RO60: variants seen among roughly 807,000 people sequenced by gnomAD.
The protein encoded by RO60 is Ro60, Y RNA binding protein.
Under a neutral mutation model 55.3 loss-of-function variants are expected in RO60, and 20 were observed. That is an observed-to-expected ratio of 0.36 (90% CI 0.25 to 0.53). The LOEUF (loss-of-function observed/expected upper bound fraction) is 0.53, where lower values mean the gene tolerates loss of function less well. RO60 is among the 20% of genes least tolerant of loss of function. RO60 has a pLI of 0.92. For missense variants in RO60, 558 were observed against 646.6 expected (o/e 0.86, Z 1.49); for synonymous variants, 213 against 213.6 (o/e 1.00, Z 0.02).
At chr1:193,077,624 C>T (rs192577942) in intron 5 of RO60, among the ~76,000 whole-genome samples, 35 of 152,242 alleles carry the variant, frequency 2.3e-4, no homozygotes, top group African/African-American at 7.9e-4. Flanking sequence ...TACCTGGTCC[C>T]ACCCTTGAAC....
At chr1:193,075,790 A>T (rs752189923) in intron 2 of RO60, 30 bp from the exon 3 acceptor site, 3 of 1,512,260 alleles carry the variant, frequency 2.0e-6, no homozygotes, top group East Asian at 4.5e-5. Context: ...GTAATCCTGC[A>T]TGCTTTTTCA....
rs1379098189 is a variant in RO60, at chr1:193,085,041, G to A, written c.*310G>A. 4 of 1,524,564 alleles carry A rather than the reference G, an allele frequency of 2.6e-6. No homozygotes were observed. The East Asian group carries it at 7.4e-5, about 28-fold the overall frequency. 94.4% of individuals were successfully genotyped at this position (1,524,564 alleles called of 1,614,324 possible). ...AATAATACGTGTGTACCTAAAAGAG[G>A]TAAGAGCAAAAAGTGTAATTCCACA... On this transcript the variant is annotated 3_prime_UTR_variant, in exon 9 of 9. Transcript: ENST00000400968.
At chr1:193,062,131 A>G (rs1672824803) in intron 1 of RO60, among the ~76,000 whole-genome samples, 1 of 152,158 alleles carries the variant, frequency 6.6e-6, no homozygotes, top group Non-Finnish European at 1.5e-5. Context: ...GCCCATCCAA[A>G]GAATTAACTA....
chr1:193,065,228 A>G (rs754512800), intron 1 of RO60, among the ~76,000 whole-genome samples: 16 of 152,234 alleles, frequency 1.1e-4, no homozygotes, highest in Non-Finnish European at 1.8e-4. Context: ...CATAAAAGCA[A>G]TACAAAAGAG....
downstream of RO60, chr1:193,091,452 G>T (rs1180662542): frequency 2.0e-6 from 1 of 489,090 alleles, no homozygotes; most frequent in Non-Finnish European, 3.6e-6. Context: ...GAAAGGAGGG[G>T]ACAGGGAGCT....
At chr1:193,077,548 C>T (rs745539520) in intron 5 of RO60, among the ~76,000 whole-genome samples, 49 of 152,110 alleles carry the variant, frequency 3.2e-4, no homozygotes, top group Admixed American at 1.9e-3. Flanking sequence ...CATCAGATCT[C>T]GTGAGAACTC....
intron 6 of RO60, 26 bp downstream of exon 6, chr1:193,081,506 C>A: frequency 7.1e-7 from 1 of 1,404,866 alleles, no homozygotes; most frequent in South Asian, 1.2e-5. Context: ...ACAATTTTGC[C>A]ATTCTAAAAA....
rs1297363027 is a variant in RO60, at chr1:193,085,602, C to A, written c.*871C>A. ...AAAATGTTTCAAGCGCTTAACTCCCCCTCATTCACAAAGTATAACAATTAA... is the reference window on the plus strand; with the variant it reads ...AAAATGTTTCAAGCGCTTAACTCCCACTCATTCACAAAGTATAACAATTAA... On this transcript the variant is annotated 3_prime_UTR_variant, in exon 9 of 9. Coordinates refer to ENST00000400968, the MANE Select transcript of RO60 (RefSeq NM_001173524.2). 2 of 984,372 alleles carry A rather than the reference C, an allele frequency of 2.0e-6. No individual in the cohort carries two copies. Among genetic ancestry groups the A allele is most frequent in the East Asian group, 2.3e-4 (2 of 8,830 alleles). The allele number at this position is 984,372 out of a possible 1,614,324, so 61.0% of individuals were successfully genotyped here. A position where few individuals can be genotyped will look rare whatever the true frequency, so the allele number is the denominator to read the frequency against.
Position 193,059,696 on chromosome 1 carries a change from C to T in RO60, c.-102C>T, listed in dbSNP as rs1410068029. On this transcript the variant is annotated 5_prime_UTR_variant, in exon 1 of 9. Coordinates refer to ENST00000400968, the MANE Select transcript of RO60 (RefSeq NM_001173524.2). The surrounding 1 kb of genome is among the most constrained non-coding windows in gnomAD (Gnocchi z 4.9). ...GTGGCTGTCGCTGCCCGTCAGGCTG[C>T]CTTCTTTTGTCGTTTCCCAGCGCTG... The T allele has an allele frequency of 3.7e-6, 5 of 1,358,702 alleles. No individual in the cohort carries two copies. Among genetic ancestry groups the T allele is most frequent in the South Asian group, 1.2e-5 (1 of 86,000 alleles). The allele number at this position is 1,358,702 out of a possible 1,614,324, so 84.2% of individuals were successfully genotyped here. A position where few individuals can be genotyped will look rare whatever the true frequency, so the allele number is the denominator to read the frequency against.
chr1:193,083,705 G>A (rs1674473301), intron 8 of RO60, among the ~76,000 whole-genome samples: 1 of 152,212 alleles, frequency 6.6e-6, no homozygotes, highest in African/African-American at 2.4e-5. Flanking sequence ...GAGGATTTCT[G>A]ATGCAGGCTT....
At chr1:193,076,668 T>G in intron 4 of RO60, 21 bp downstream of exon 4, 1 of 1,575,328 alleles carries the variant, frequency 6.3e-7, no homozygotes. Context: ...TCATTGTTCT[T>G]TATTAGCTAC....
At position 193,076,979 on chromosome 1, in the gene RO60, G is replaced by A. The variant is rs1290396624; in HGVS notation, c.1015G>A (p.Gly339Arg). ...ETYKTGHGLR[G>R]KLKWRPDEEI... ...TTACAAGACAGGTCATGGTCTCAGAGGGAAACTGAAGTGGCGCCCTGATGA... is the reference window on the plus strand; with the variant it reads ...TTACAAGACAGGTCATGGTCTCAGAAGGAAACTGAAGTGGCGCCCTGATGA... The change falls in exon 5 of 9, where the codon GGG becomes AGG. Residue 339 changes from glycine (G) to arginine (R), a missense_variant. Transcript: ENST00000400968. The A allele has an allele frequency of 1.9e-6, 3 of 1,613,212 alleles. No homozygotes were observed. The East Asian group carries it at 6.7e-5, about 36-fold the overall frequency.
chr1:193,082,500 G>GT, intron 7 of RO60, 62 bp from the exon 8 acceptor site: 1 of 1,554,556 alleles, frequency 6.4e-7, no homozygotes, highest in Non-Finnish European at 8.9e-7. Flanking sequence ...AAATGATACT[G>GT]TAAAAACTAG....
At position 193,059,655 on chromosome 1, in the gene RO60, GGCTGTT is replaced by G; in HGVS notation, c.-131_-126del. ...AACCTGGAATCCCCGGCGGCAGTGG[GGCTGTT>G]GCTGTTGCTGTGGCTGTCGCTGCCC... On this transcript the variant is annotated 5_prime_UTR_variant, in exon 1 of 9. Coordinates refer to ENST00000400968, the MANE Select transcript of RO60 (RefSeq NM_001173524.2). This position sits in a 1 kb window ranked among gnomAD's most constrained non-coding sequence, Gnocchi z 4.9. 2 of 1,382,996 alleles carry G rather than the reference GGCTGTT, an allele frequency of 1.4e-6. No individual in the cohort carries two copies. The highest frequency in any genetic ancestry group is 1.2e-5 in the South Asian group (1 of 86,928). 85.7% of individuals were successfully genotyped at this position (1,382,996 alleles called of 1,614,324 possible). A position where few individuals can be genotyped will look rare whatever the true frequency, so the allele number is the denominator to read the frequency against.
Position 193,085,561 on chromosome 1 carries a change from T to C in RO60, c.*830T>C, listed in dbSNP as rs967872346. ...AGTCTCACACTGTTTTTCATACTCT[T>C]AAGTGTAAATAATATAAAATGTTTC... On this transcript the variant is annotated 3_prime_UTR_variant, in exon 9 of 9. Coordinates refer to ENST00000400968, the MANE Select transcript of RO60 (RefSeq NM_001173524.2). 4.1e-6 allele frequency: 4 copies of C among 984,364 alleles called. No individual in the cohort carries two copies. Among genetic ancestry groups the C allele is most frequent in the Non-Finnish European group, 1.2e-6 (1 of 829,044 alleles). 61.0% of individuals were successfully genotyped at this position (984,364 alleles called of 1,614,324 possible). A position where few individuals can be genotyped will look rare whatever the true frequency, so the allele number is the denominator to read the frequency against.
chr1:193,061,733 C>T (rs896259815), intron 1 of RO60, among the ~76,000 whole-genome samples: 1 of 152,222 alleles, frequency 6.6e-6, no homozygotes, highest in African/African-American at 2.4e-5. Flanking sequence ...GCCTGTAATC[C>T]CAGCACTTTG....
chr1:193,083,129 C>T (rs978905281), intron 8 of RO60, among the ~76,000 whole-genome samples: 5 of 151,998 alleles, frequency 3.3e-5, no homozygotes, highest in Non-Finnish European at 5.9e-5. Flanking sequence ...AGCCAGTGTC[C>T]GTTATAGACT....
intron 3 of RO60, 107 bp downstream of exon 3, chr1:193,076,147 T>G: frequency 6.2e-6 from 4 of 641,230 alleles, no homozygotes; most frequent in Non-Finnish European, 9.7e-6. Context: ...TAAAAAGAAA[T>G]TATTTAAAAT....
At chr1:193,077,327 GA>G (rs1204094618) in intron 5 of RO60, among the ~76,000 whole-genome samples, 4 of 152,086 alleles carry the variant, frequency 2.6e-5, no homozygotes, top group Non-Finnish European at 5.9e-5. Context: ...GTGCTATAAA[GA>G]AATACCTGAG....
Sources: gnomAD v4.1 joint callset for allele counts (sites outside exome capture counted in the v4.1 genomes callset) on GRCh38, gnomAD v4.1.1 for gene constraint, Gnocchi (gnomAD v3.1) non-coding constraint, MANE v1.5 for transcripts, NCBI Gene and HGNC (gene_info 2026-07-23, HGNC 2026-07-21) for gene names.